The following REC8 variants were observed in gnomAD, a reference collection of about 807,000 sequenced individuals.
REC8 encodes REC8 meiotic recombination protein.
A neutral mutation model predicts 78.3 loss-of-function variants in REC8; 42 were observed. That is an observed-to-expected ratio of 0.54 (90% confidence interval 0.42 to 0.69). The LOEUF is 0.69. REC8 is among the 30% of genes least tolerant of loss of function. REC8 has a pLI of 0.00. For missense variants in REC8, 581 were observed against 715.8 expected (o/e 0.81, Z 2.15); for synonymous variants, 268 against 274.1 (o/e 0.98, Z 0.22).
chr14:24,179,933 A>G (rs761279913), intron 18 of REC8, 27 bp downstream of exon 18: 1 of 1,613,848 alleles, frequency 6.2e-7, no homozygotes, highest in Non-Finnish European at 8.5e-7. Flanking sequence ...GTGTGTGTGT[A>G]TGTGGGGCAG....
chr14:24,176,771 G>A, intron 6 of REC8, 51 bp from the exon 7 acceptor site: 1 of 1,433,480 alleles, frequency 7.0e-7, no homozygotes, highest in Admixed American at 1.8e-5. Flanking sequence ...CTGCATGGCT[G>A]TGGGAATTTG....
At position 24,177,750 on chromosome 14, in the gene REC8, A is replaced by C. The variant is rs1332294317; in HGVS notation, c.856A>C (p.Ser286Arg). ...GGAGCTGCGTCTGCCAGCCCCACCC[A>C]GCCCAGAGGTGAGTAGCCTCCCTTC... is the stretch of plus-strand genomic sequence containing the variant. Reference protein sequence around the residue: ...PEELRLPAPPSPERRPPVPPP... With the variant: ...PEELRLPAPPRPERRPPVPPP... The change falls in exon 11 of 19, where the codon AGC (serine) becomes CGC (arginine). Residue 286 changes from serine (S) to arginine (R), a missense_variant. Physicochemically the swap from Ser to Arg is moderately radical, Grantham distance 110. Coordinates refer to ENST00000611366, the MANE Select transcript of REC8 (RefSeq NM_001048205.2). 6.2e-7 allele frequency: 1 copy of C among 1,606,414 alleles called. No homozygotes were observed. The highest frequency in any genetic ancestry group is 8.5e-7 in the Non-Finnish European group (1 of 1,176,694).
intron 11 of REC8, 139 bp from the exon 12 acceptor site, chr14:24,177,952 T>C (rs2038974877): frequency 6.6e-7 from 1 of 1,511,430 alleles, no homozygotes. Flanking sequence ...TATGAGCTGC[T>C]CAAGTGCATG....
chr14:24,173,033 A>ACCTCGTGGGTAAGGCTG lies in REC8; in HGVS notation c.261_268+9dup, dbSNP rs955946243. 27 of 1,609,020 alleles carry ACCTCGTGGGTAAGGCTG rather than the reference A, an allele frequency of 1.7e-5. No individual in the cohort carries two copies. The highest frequency in any genetic ancestry group is 2.2e-5 in the Non-Finnish European group (26 of 1,180,004). ...CGCGTCTATTCTCAACAATGCCAGT[A>ACCTCGTGGGTAAGGCTG]CCTCGTGGGTAAGGCTGGGAACCCT... is the stretch of plus-strand genomic sequence containing the variant. On this transcript the variant is annotated frameshift_variant, in exon 3 of 19. Coordinates refer to ENST00000611366, the MANE Select transcript of REC8 (RefSeq NM_001048205.2). LOFTEE classifies it high-confidence loss of function.
At chr14:24,175,778 A>G (rs193294053) in intron 6 of REC8, among the ~76,000 whole-genome samples, 154 bp downstream of exon 6, 1 of 150,792 alleles carries the variant, frequency 6.6e-6, no homozygotes, top group East Asian at 2.0e-4. Context: ...GCTACAGTGC[A>G]GTGGCACGAT....
chr14:24,174,698 G>C (rs1345271084), intron 5 of REC8, among the ~76,000 whole-genome samples: 1 of 152,102 alleles, frequency 6.6e-6, no homozygotes, highest in African/African-American at 2.4e-5. Flanking sequence ...ATCTTTGCTT[G>C]TACTGTTTCC....
chr14:24,178,100 C>A lies in REC8; in HGVS notation c.874C>A (p.Pro292Thr), dbSNP rs764090923. The A allele has an allele frequency of 1.1e-5, 17 of 1,613,230 alleles. No individual in the cohort carries two copies. The highest frequency in any genetic ancestry group is 1.4e-5 in the Non-Finnish European group (17 of 1,179,526). ...CCTCCCCACTCAACAGAGGAGGCCC[C>A]CAGTCCCCCCACCTCCTCGCCGCCG... is the stretch of plus-strand genomic sequence containing the variant. ...PAPPSPERRP[P>T]VPPPPRRRRR... Residue 292 changes from proline (P) to threonine (T), a missense_variant, in exon 12 of 19, where the codon CCA becomes ACA. Coordinates refer to ENST00000611366, the MANE Select transcript of REC8 (RefSeq NM_001048205.2).
In REC8 at chr14:24,173,428, A is replaced by G. The variant is rs150246554; in HGVS notation, c.462+17A>G. 2.9e-4 allele frequency: 469 copies of G among 1,613,426 alleles called. 6 individuals carry two copies. The East Asian group carries it at 0.01, about 35-fold the overall frequency. On this transcript the variant is annotated intron_variant, in intron 5 of 18. Coordinates refer to ENST00000611366, the MANE Select transcript of REC8 (RefSeq NM_001048205.2). The stretch of plus-strand genomic sequence containing the variant: ...ATCCCTCAGGTAGGGCTCATTCCCC[A>G]AGACTCGTGAATTGGCAATGCAGAA...
At chr14:24,179,015 C>G (rs1594427837) in intron 14 of REC8, 70 bp from the exon 15 acceptor site, 2 of 1,597,374 alleles carry the variant, frequency 1.3e-6, no homozygotes, top group Admixed American at 1.7e-5. Flanking sequence ...CACAGGCTCA[C>G]TGGCCTTGTG....
At chr14:24,174,158 C>T (rs544963667) in intron 5 of REC8, among the ~76,000 whole-genome samples, 97 of 152,044 alleles carry the variant, frequency 6.4e-4, no homozygotes, top group Non-Finnish European at 1.2e-3. Flanking sequence ...CCACAGAGCC[C>T]GGCCCAATTT....
At chr14:24,177,086 G>A in intron 7 of REC8, 55 bp from the exon 8 acceptor site, 1 of 1,558,444 alleles carries the variant, frequency 6.4e-7, no homozygotes, top group Non-Finnish European at 8.8e-7. Flanking sequence ...GGATCCACTT[G>A]CCTTTTTCAG....
At chr14:24,179,975 TC>T (rs752823808) in intron 18 of REC8, 34 bp from the exon 19 acceptor site, 9 of 1,613,744 alleles carry the variant, frequency 5.6e-6, no homozygotes, top group Middle Eastern at 1.6e-4. Flanking sequence ...GTACAGGGAC[TC>T]CCCCGACCTG....
downstream of REC8, chr14:24,180,782 C>G: frequency 6.2e-7 from 1 of 1,609,594 alleles, no homozygotes; most frequent in South Asian, 1.1e-5. Flanking sequence ...GTGGCTGACT[C>G]AGGGCAGCAG....
chr14:24,179,435 A>G lies in REC8; in HGVS notation c.1291A>G (p.Ile431Val). 6.2e-7 allele frequency: 1 copy of G among 1,614,154 alleles called. No individual in the cohort carries two copies. The highest frequency in any genetic ancestry group is 8.5e-7 in the Non-Finnish European group (1 of 1,180,020). The change falls in exon 16 of 19, where the codon ATC becomes GTC. Residue 431 changes from isoleucine to valine, a missense_variant. Ile to Val is a conservative substitution (Grantham distance 29). Transcript: ENST00000611366. ...LEAAEEEKSRISLIPPEERWA... is the reference protein window; with the variant it reads ...LEAAEEEKSRVSLIPPEERWA... ...GGCAGCTGAAGAGGAGAAGTCCCGC[A>G]TCAGCCTCATCCCACCAGAAGAACG... is the stretch of plus-strand genomic sequence containing the variant.
In REC8 at chr14:24,176,862, G is replaced by A. The variant is rs200910194; in HGVS notation, c.585G>A (p.Thr195=). 83 of 1,613,726 alleles carry A rather than the reference G, an allele frequency of 5.1e-5. No homozygotes were observed. Among genetic ancestry groups the A allele is most frequent in the Middle Eastern group, 1.6e-4 (1 of 6,084 alleles). ...PVTVLPPEAI[T]ILEAEPIRML... ...CTGTGCTGCCACCTGAGGCCATCAC[G>A]ATCCTGGAGGCAGAGCCCATACGGA... The change falls in exon 7 of 19, where the codon ACG becomes ACA. Residue 195 remains threonine, a synonymous_variant. Coordinates refer to ENST00000611366, the MANE Select transcript of REC8 (RefSeq NM_001048205.2).
chr14:24,176,193 A>T (rs1405040496), intron 6 of REC8, among the ~76,000 whole-genome samples: 1 of 150,614 alleles, frequency 6.6e-6, no homozygotes, highest in African/African-American at 2.5e-5. Context: ...AGTAGCTGGG[A>T]TTACAGGCAT....
intron 6 of REC8, among the ~76,000 whole-genome samples, chr14:24,176,024 C>A (rs1032870248): frequency 6.6e-6 from 1 of 150,378 alleles, no homozygotes; most frequent in African/African-American, 2.4e-5. Flanking sequence ...ATGTGTATAA[C>A]CTCATCAGTA....
At chr14:24,177,064 A>T in intron 7 of REC8, 77 bp from the exon 8 acceptor site, 1 of 1,463,966 alleles carries the variant, frequency 6.8e-7, no homozygotes, top group Non-Finnish European at 9.6e-7. Flanking sequence ...TGCCTCTGGG[A>T]TCCACTCTCC....
chr14:24,172,661 C>A (rs2038716486), intron 1 of REC8, 52 bp from the exon 2 acceptor site: 1 of 1,613,238 alleles, frequency 6.2e-7, no homozygotes, highest in Non-Finnish European at 8.5e-7. Context: ...GGGATCCCAG[C>A]CTGACAGCTC....
Sources: gnomAD v4.1 joint callset for allele counts (sites outside exome capture counted in the v4.1 genomes callset) on GRCh38, gnomAD v4.1.1 for gene constraint, MANE v1.5 for transcripts, NCBI Gene and HGNC (gene_info 2026-07-23, HGNC 2026-07-21) for gene names.